AREL1: variants seen among roughly 807,000 people sequenced by gnomAD.
AREL1 encodes apoptosis-resistant E3 ubiquitin protein ligase 1.
Under a neutral mutation model 99.0 loss-of-function variants are expected in AREL1, and 62 were observed. The ratio of observed to expected loss-of-function variants is 0.63; its 90% CI spans 0.51 to 0.77. The LOEUF is 0.77. Ranked by LOEUF, AREL1 falls within the 30% of genes least tolerant of loss-of-function variation. The probability of loss-of-function intolerance (pLI) is 0.00; values close to 1 mark genes in which losing one functional copy is unlikely to be tolerated. For missense variants in AREL1, 879 were observed against 1,027.6 expected, an observed-to-expected ratio of 0.86 and a Z score of 1.98; for synonymous variants, 380 against 376.5, an observed-to-expected ratio of 1.01 and a Z score of -0.11.
In AREL1 at chr14:74,683,304, A is replaced by G. The variant is rs1566690070; in HGVS notation, c.473T>C (p.Phe158Ser). 6.2e-7 allele frequency: 1 copy of G among 1,609,598 alleles called. No individual in the cohort carries two copies. Among genetic ancestry groups the G allele is most frequent in the Admixed American group, 1.7e-5 (1 of 59,788 alleles). ...NVAYSPYYKI[F>S]QPGMVVPSKT... ...AGGAAAAAAGAACCTACCAGGTTGA[A>G]AAATTTTGTAGTAGGGACTATATGC... is the stretch of plus-strand genomic sequence containing the variant. The change falls in exon 5 of 20, where the codon TTT becomes TCT. Residue 158 changes from phenylalanine (F) to serine (S), a missense_variant. Phe to Ser is a radical substitution (Grantham distance 155). Transcript: ENST00000356357.
chr14:74,704,696 T>G (rs1316853638), intron 1 of AREL1, among the ~76,000 whole-genome samples: 1 of 152,236 alleles, frequency 6.6e-6, no homozygotes, highest in Non-Finnish European at 1.5e-5. Context: ...ATATTTTCTG[T>G]GGCTTGCCTC....
chr14:74,705,079 G>C (rs1402416840), intron 1 of AREL1, among the ~76,000 whole-genome samples: 3 of 142,506 alleles, frequency 2.1e-5, no homozygotes, highest in African/African-American at 7.8e-5. Context: ...CGCTCTTGTT[G>C]CCCAGGCTGG....
intron 15 of AREL1, among the ~76,000 whole-genome samples, chr14:74,669,374 CT>C: frequency 6.6e-6 from 1 of 152,280 alleles, no homozygotes; most frequent in South Asian, 2.1e-4. Flanking sequence ...AGATATGTGT[CT>C]TTTGCTTCAC....
At chr14:74,675,413 T>TG (rs2089448029) in intron 8 of AREL1, among the ~76,000 whole-genome samples, 1 of 152,234 alleles carries the variant, frequency 6.6e-6, no homozygotes, top group Admixed American at 6.5e-5. Context: ...TTCTTTCCTC[T>TG]GCCAAAATTT....
intron 1 of AREL1, among the ~76,000 whole-genome samples, chr14:74,704,973 TA>T: frequency 6.6e-6 from 1 of 152,176 alleles, no homozygotes; most frequent in Non-Finnish European, 1.5e-5. Flanking sequence ...CATTAAGTTT[TA>T]TTCCCCTTGT....
Position 74,683,310 on chromosome 14 carries a change from T to C in AREL1, c.467A>G (p.Lys156Arg), listed in dbSNP as rs1021265284. Residue 156 changes from lysine to arginine, a missense_variant, in exon 5 of 20, where the codon AAA (lysine) becomes AGA (arginine). Physicochemically the swap from Lys to Arg is conservative, Grantham distance 26. Transcript: ENST00000356357. ...GLNVAYSPYY[K>R]IFQPGMVVPS... Reference sequence around the variant, plus strand: ...AAAGAACCTACCAGGTTGAAAAATTTTGTAGTAGGGACTATATGCCACATT... The same window carrying C: ...AAAGAACCTACCAGGTTGAAAAATTCTGTAGTAGGGACTATATGCCACATT... 9 of 1,609,828 alleles carry C rather than the reference T, an allele frequency of 5.6e-6. No homozygotes were observed. In the African/African-American group the frequency reaches 8.0e-5, roughly 14 times the overall value.
chr14:74,711,439 A>T (rs1043196703), intron 1 of AREL1, among the ~76,000 whole-genome samples: 2 of 151,512 alleles, frequency 1.3e-5, no homozygotes, highest in Non-Finnish European at 1.5e-5. Context: ...GCTACTCGGG[A>T]GGCTGAGGCA....
intron 1 of AREL1, among the ~76,000 whole-genome samples, chr14:74,696,794 A>G (rs867501343): frequency 1.3e-5 from 2 of 152,108 alleles, no homozygotes; most frequent in Admixed American, 6.5e-5. Flanking sequence ...GCAAAACCCC[A>G]TCACTACTAA....
chr14:74,684,990 T>C (rs1452446059), intron 3 of AREL1, among the ~76,000 whole-genome samples: 1 of 152,240 alleles, frequency 6.6e-6, no homozygotes, highest in East Asian at 1.9e-4. Flanking sequence ...CTGGCAGAGT[T>C]GAGTCATTGA....
At position 74,667,364 on chromosome 14, in the gene AREL1, C is replaced by G. The variant is rs2089231555; in HGVS notation, c.2058G>C (p.Leu686Phe). The G allele has an allele frequency of 1.2e-6, 2 of 1,613,944 alleles. No individual in the cohort carries two copies. The highest frequency in any genetic ancestry group is 1.7e-6 in the Non-Finnish European group (2 of 1,180,006). ...AAATAGCCAAAAGGTTCTCAGGGAC[C>G]AATTCATTCAGGCCTGAAACAAAGT... ...VEHFLKGLNE[L>F]VPENLLAIFD... Residue 686 changes from leucine to phenylalanine, a missense_variant, in exon 17 of 20, where the codon TTG becomes TTC. Leu to Phe is a conservative substitution (Grantham distance 22, BLOSUM62 0). Transcript: ENST00000356357.
At chr14:74,689,806 G>A (rs1016102072) in intron 2 of AREL1, among the ~76,000 whole-genome samples, 2 of 151,478 alleles carry the variant, frequency 1.3e-5, no homozygotes, top group Non-Finnish European at 2.9e-5. Flanking sequence ...ATGTTGGTCA[G>A]GCTGATCTCA....
At chr14:74,693,865 A>G (rs2089930796) in intron 1 of AREL1, among the ~76,000 whole-genome samples, 1 of 152,232 alleles carries the variant, frequency 6.6e-6, no homozygotes, top group Admixed American at 6.5e-5. Flanking sequence ...ATAAATAAGT[A>G]TATGTATTTA....
At chr14:74,678,831 A>G (rs1395755210) in intron 5 of AREL1, among the ~76,000 whole-genome samples, 2 of 152,224 alleles carry the variant, frequency 1.3e-5, no homozygotes, top group Non-Finnish European at 2.9e-5. Flanking sequence ...AGGATCTGAG[A>G]CCAAAGATTT....
intron 17 of AREL1, 77 bp from the exon 18 acceptor site, chr14:74,665,002 T>C: frequency 8.5e-7 from 1 of 1,170,656 alleles, no homozygotes; most frequent in South Asian, 1.3e-5. Flanking sequence ...TTACCTAAGT[T>C]AACAGGCAAA....
chr14:74,695,732 G>A lies in AREL1; in HGVS notation c.-333-3404C>T, dbSNP rs535597556. On this transcript the variant is annotated intron_variant, in intron 1 of 19. Transcript: ENST00000356357. ...ATAGCAGTCTCTCCTAATAGATTGC[G>A]GACTCCCCAAGGAACACTGACCAGG... Among the ~76,000 whole-genome samples, 106 of 152,200 alleles carry A rather than the reference G, an allele frequency of 7.0e-4. 1 individual carries two copies. The highest frequency in any genetic ancestry group is 2.4e-3 in the African/African-American group (100 of 41,522).
chr14:74,677,953 C>A (rs541668631), intron 5 of AREL1, among the ~76,000 whole-genome samples: 133 of 151,530 alleles, frequency 8.8e-4, no homozygotes, highest in African/African-American at 2.9e-3. Flanking sequence ...AACAAAAAAA[C>A]CAACAAACAA....
chr14:74,681,843 G>C (rs1219990024), intron 5 of AREL1, among the ~76,000 whole-genome samples: 2 of 151,712 alleles, frequency 1.3e-5, no homozygotes, highest in Non-Finnish European at 2.9e-5. Context: ...GCAACATAAG[G>C]GATCCTTGTG....
chr14:74,669,975 TG>T lies in AREL1; in HGVS notation c.1759del (p.Gln587LysfsTer3). Reference sequence around the variant, plus strand: ...GTAATGCATACGCAGTCCTATGATTTGGGCCAGGAAAGAGCGGGTGAAGCGA... The same window carrying T: ...GTAATGCATACGCAGTCCTATGATTTGGCCAGGAAAGAGCGGGTGAAGCGA... The part of the protein sequence containing the change: ...RARFTRSFLA[Q>X]IIGLRMHYKY... On this transcript the variant is annotated frameshift_variant, in exon 14 of 20. Coordinates refer to ENST00000356357, the MANE Select transcript of AREL1 (RefSeq NM_001039479.2). LOFTEE classifies it high-confidence loss of function. The T allele has an allele frequency of 1.2e-6, 2 of 1,613,154 alleles. No homozygotes were observed. The highest frequency in any genetic ancestry group is 1.7e-6 in the Non-Finnish European group (2 of 1,179,496).
intron 1 of AREL1, among the ~76,000 whole-genome samples, chr14:74,708,502 C>T (rs73301930): frequency 0.021 from 3,238 of 152,168 alleles, 115 homozygotes; most frequent in African/African-American, 0.074. Flanking sequence ...ACCGGGGGTA[C>T]CTTGAATTTG....
Sources: allele counts gnomAD v4.1 joint callset (sites outside exome capture counted in the v4.1 genomes callset), GRCh38; gene constraint gnomAD v4.1.1; transcripts MANE v1.5; gene names NCBI Gene and HGNC (gene_info 2026-07-23, HGNC 2026-07-21).